Variants in SLC12A6 observed in about 807,000 individuals in gnomAD.
SLC12A6 encodes K-Cl cotransporter 3.
SLC12A6 carries 66 observed loss-of-function variants against 135.3 expected under a neutral mutation model. That is an observed-to-expected ratio of 0.49 (90% CI 0.40 to 0.60). The LOEUF (loss-of-function observed/expected upper bound fraction) is 0.60, where lower values mean the gene tolerates loss of function less well. Ranked by LOEUF, SLC12A6 falls within the 20% of genes least tolerant of loss-of-function variation. The pLI, the probability that SLC12A6 is intolerant of heterozygous loss-of-function variation, is 0.00. For missense variants in SLC12A6, 1,058 were observed against 1,452.3 expected, an observed-to-expected ratio of 0.73 and a Z score of 4.41; for synonymous variants, 513 against 508.8, an observed-to-expected ratio of 1.01 and a Z score of -0.11.
rs1381538513 is a variant in SLC12A6, at chr15:34,255,310, G to A, written c.828C>T (p.Thr276=). The A allele has an allele frequency of 1.2e-6, 2 of 1,610,278 alleles. No homozygotes were observed. The highest frequency in any genetic ancestry group is 2.2e-5 in the East Asian group (1 of 44,888). ...GGATGTACATGGCTGCTGCAAATGT[G>A]GTACCAAGATAAAAGCAGAGGCCAA... ...GAVGLCFYLG[T]TFAAAMYILG... is the part of the protein sequence containing the mutation. Residue 276 remains threonine (T), a synonymous_variant, in exon 8 of 26, where the codon ACC becomes ACT. Transcript: ENST00000354181.
intron 2 of SLC12A6, among the ~76,000 whole-genome samples, chr15:34,312,314 T>C (rs1888314423): frequency 6.6e-6 from 1 of 152,192 alleles, no homozygotes; most frequent in African/African-American, 2.4e-5. Flanking sequence ...GTAAGTACAA[T>C]ACCTGACATA....
chr15:34,268,912 A>C (rs769516962), intron 3 of SLC12A6, among the ~76,000 whole-genome samples: 19 of 150,410 alleles, frequency 1.3e-4, no homozygotes, highest in Admixed American at 2.0e-4. Flanking sequence ...TCTGCAGTGC[A>C]GTGGCACAAT....
intron 2 of SLC12A6, among the ~76,000 whole-genome samples, chr15:34,301,337 T>C (rs1192234682): frequency 6.6e-6 from 1 of 152,040 alleles, no homozygotes; most frequent in Non-Finnish European, 1.5e-5. Context: ...TAAAGGCTGA[T>C]GATGGAAACA....
intron 2 of SLC12A6, among the ~76,000 whole-genome samples, chr15:34,328,115 G>GA (rs11353639): frequency 4.5e-4 from 64 of 141,814 alleles, no homozygotes; most frequent in Non-Finnish European, 4.2e-4. Flanking sequence ...ATTTTAAAAA[G>GA]AAAAAAAAAA....
chr15:34,291,499 T>C (rs1895527287), intron 2 of SLC12A6, among the ~76,000 whole-genome samples: 1 of 152,206 alleles, frequency 6.6e-6, no homozygotes, highest in Non-Finnish European at 1.5e-5. Flanking sequence ...TGCGGTGTTC[T>C]CTGTATTTAC....
chr15:34,275,846 A>C (rs575222220), intron 2 of SLC12A6, among the ~76,000 whole-genome samples: 5 of 152,356 alleles, frequency 3.3e-5, no homozygotes, highest in African/African-American at 9.6e-5. Flanking sequence ...AAGGAAAACA[A>C]ACCAGACACA....
chr15:34,319,465 G>A (rs8043005), intron 2 of SLC12A6, among the ~76,000 whole-genome samples: 20,347 of 151,824 alleles, frequency 0.13, 1,495 homozygotes, highest in East Asian at 0.32. Flanking sequence ...TTTTTATACT[G>A]TCCTCTTTAA....
chr15:34,245,989 G>C (rs1053711173), intron 13 of SLC12A6, 122 bp from the exon 14 acceptor site: 3 of 782,862 alleles, frequency 3.8e-6, no homozygotes, highest in Non-Finnish European at 6.7e-6. Context: ...CTAGAGTGCA[G>C]TGGTGTGATC....
chr15:34,277,753 C>T (rs538395403), intron 2 of SLC12A6, among the ~76,000 whole-genome samples: 2 of 152,284 alleles, frequency 1.3e-5, no homozygotes, highest in African/African-American at 4.8e-5. Flanking sequence ...CTTCAAGATT[C>T]TGATTCCCAG....
At position 34,260,956 on chromosome 15, in the gene SLC12A6, T is replaced by C. The variant is rs567323663; in HGVS notation, c.381A>G (p.Glu127=). 5.0e-5 allele frequency: 77 copies of C among 1,539,144 alleles called. No homozygotes were observed. Among genetic ancestry groups the C allele is most frequent in the Middle Eastern group, 1.7e-4 (1 of 5,916 alleles). Residue 127 remains glutamate (E), a synonymous_variant, in exon 4 of 26, where the codon GAA becomes GAG. Transcript: ENST00000354181. ...LNNSNYEEGD[E]YFDKNLALFE... is the part of the protein sequence containing the mutation. ...AGAGTGCCAAATTTTTATCAAAATA[T>C]TCATCTCCTTCTTCATAATTGGAAT...
intron 2 of SLC12A6, among the ~76,000 whole-genome samples, chr15:34,277,582 T>G (rs548201075): frequency 1.3e-5 from 2 of 152,252 alleles, no homozygotes; most frequent in African/African-American, 4.8e-5. Context: ...GAAACAAGCA[T>G]GTAGCTGGCA....
chr15:34,311,877 C>T (rs988652832), intron 2 of SLC12A6, among the ~76,000 whole-genome samples: 4 of 152,170 alleles, frequency 2.6e-5, no homozygotes, highest in Non-Finnish European at 4.4e-5. Flanking sequence ...GCCTCTAAAC[C>T]TTCCTGCAAG....
rs544675253 is a variant in SLC12A6, at chr15:34,240,672, C to T, written c.2425G>A (p.Ala809Thr). 80 of 1,613,840 alleles carry T rather than the reference C, an allele frequency of 5.0e-5. No individual in the cohort carries two copies. Among genetic ancestry groups the T allele is most frequent in the Admixed American group, 1.7e-5 (1 of 60,022 alleles). ...NFLENYGEAL[A>T]AEQTIKHLME... ...AGCCTGACTCTTACCTGCTCAGCAGCTAAAGCTTCACCGTAGTTCTCTAGG... is the reference window on the plus strand; with the variant it reads ...AGCCTGACTCTTACCTGCTCAGCAGTTAAAGCTTCACCGTAGTTCTCTAGG... The change falls in exon 19 of 26, where the codon GCT becomes ACT. Residue 809 changes from alanine (A) to threonine (T), a missense_variant. Ala to Thr is a moderately conservative substitution (Grantham distance 58). This residue lies in a region of SLC12A6 where 31 missense variants were observed against 24.3 expected (regional missense o/e 1.28). Transcript: ENST00000354181.
chr15:34,236,982 G>A, intron 22 of SLC12A6, 167 bp from the exon 23 acceptor site: 1 of 646,686 alleles, frequency 1.5e-6, no homozygotes, highest in Non-Finnish European at 2.8e-6. Context: ...ATGTTTTTGT[G>A]ACTGTAGATA....
intron 2 of SLC12A6, among the ~76,000 whole-genome samples, chr15:34,278,145 G>A (rs1033113852): frequency 8.5e-5 from 13 of 152,188 alleles, no homozygotes; most frequent in Non-Finnish European, 5.9e-5. Flanking sequence ...GAATTAGCTC[G>A]GCTGGGCGCA....
chr15:34,300,102 CAAT>C (rs1896139989), intron 2 of SLC12A6, among the ~76,000 whole-genome samples: 1 of 151,584 alleles, frequency 6.6e-6, no homozygotes, highest in African/African-American at 2.4e-5. Context: ...GGGAAGGAGT[CAAT>C]AAAAAAATTA....
chr15:34,287,524 C>A (rs1229338947), intron 2 of SLC12A6, among the ~76,000 whole-genome samples: 1 of 152,182 alleles, frequency 6.6e-6, no homozygotes, highest in Non-Finnish European at 1.5e-5. Flanking sequence ...AATGGTATTT[C>A]TAGTTCTAGA....
At chr15:34,263,136 T>C (rs1260514011) in intron 3 of SLC12A6, among the ~76,000 whole-genome samples, 2 of 151,784 alleles carry the variant, frequency 1.3e-5, no homozygotes, top group African/African-American at 4.8e-5. Context: ...TGAAAAAAAA[T>C]AGGGCAGGCA....
chr15:34,234,116 G>T, intron 25 of SLC12A6, 144 bp from the exon 26 acceptor site: 3 of 678,470 alleles, frequency 4.4e-6, no homozygotes, highest in East Asian at 2.8e-5. Flanking sequence ...ACTTTGGATT[G>T]AATTTAACCC....
Sources: allele counts gnomAD v4.1 joint callset (sites outside exome capture counted in the v4.1 genomes callset), GRCh38; gene constraint gnomAD v4.1.1; regional missense constraint gnomAD v4.1.1; transcripts MANE v1.5; gene names NCBI Gene and HGNC (gene_info 2026-07-23, HGNC 2026-07-21).